The following KLC3 variants were observed in gnomAD, a reference collection of about 807,000 sequenced individuals.
The protein encoded by KLC3 is kinesin light chain 2.
In KLC3, 72 loss-of-function variants were observed where a neutral mutation model predicts 62.9. The ratio of observed to expected loss-of-function variants is 1.15; its 90% CI spans 0.95 to 1.39. The LOEUF is 1.39. Among genes scored for constraint, KLC3 ranks in the 40% most tolerant of loss-of-function variants. The probability of loss-of-function intolerance (pLI) is 0.00; values close to 1 mark genes in which losing one functional copy is unlikely to be tolerated. For synonymous variants in KLC3, 377 were observed against 300.5 expected, an observed-to-expected ratio of 1.25 and a Z score of -2.63; for missense variants, 848 against 691.6, an observed-to-expected ratio of 1.23 and a Z score of -2.54.
At chr19:45,347,093 A>G in intron 3 of KLC3, 1 of 419,476 alleles carries the variant, frequency 2.4e-6, no homozygotes, top group South Asian at 3.3e-5. Context: ...CTGTAATCCC[A>G]ACACTTTGGG....
At chr19:45,347,889 C>A in intron 4 of KLC3, 52 bp from the exon 5 acceptor site, 1 of 1,454,644 alleles carries the variant, frequency 6.9e-7, no homozygotes, top group Non-Finnish European at 9.4e-7. Context: ...TCATGCGAGG[C>A]TGGAGGGGCA....
Position 45,351,390 on chromosome 19 carries a change from G to T in KLC3, c.*33G>T, listed in dbSNP as rs752512145. On this transcript the variant is annotated 3_prime_UTR_variant, in exon 13 of 13. Transcript: ENST00000391946. ...TGAACTGCGCTGGCCGCAGCTTCTT[G>T]GGAACAGTGCAGGAGGGATGGGCTG... The T allele has an allele frequency of 6.2e-7, 1 of 1,606,562 alleles. No individual in the cohort carries two copies. The highest frequency in any genetic ancestry group is 1.7e-5 in the Admixed American group (1 of 59,990).
chr19:45,350,732 C>T lies in KLC3; in HGVS notation c.1364C>T (p.Ala455Val), dbSNP rs752348371. The T allele has an allele frequency of 1.4e-4, 218 of 1,612,064 alleles. No individual in the cohort carries two copies. Among genetic ancestry groups the T allele is most frequent in the Admixed American group, 2.7e-4 (16 of 59,678 alleles). Residue 455 changes from alanine to valine, a missense_variant, in exon 11 of 13, where the codon GCG (alanine) becomes GTG (valine). By Grantham distance (64) the Ala-to-Val change is moderately conservative (BLOSUM62 0). Coordinates refer to ENST00000391946, the MANE Select transcript of KLC3 (RefSeq NM_177417.3). ...KLVSRLRGEA[A>V]AGAAGMKRAM... ...GTCTCCCGGCTCCGAGGCGAGGCGGCGGCAGGAGCAGCCGGGTGAGTGTTG... is the reference window on the plus strand; with the variant it reads ...GTCTCCCGGCTCCGAGGCGAGGCGGTGGCAGGAGCAGCCGGGTGAGTGTTG...
In KLC3 at chr19:45,349,384, A is replaced by C. The variant is rs1297632447; in HGVS notation, c.970-45A>C. ...ATACAGCAGTGATGTCACGTGTCCC[A>C]CCAATCCTGTATGATCCCTCTGACT... On this transcript the variant is annotated intron_variant, in intron 7 of 12. Transcript: ENST00000391946. 4 of 1,556,236 alleles carry C rather than the reference A, an allele frequency of 2.6e-6. No individual in the cohort carries two copies. The South Asian group carries it at 3.6e-5, about 14-fold the overall frequency.
At position 45,350,427 on chromosome 19, in the gene KLC3, T is replaced by G. The variant is rs1971676961; in HGVS notation, c.1230T>G (p.Pro410=). The change falls in exon 9 of 13, where the codon CCT becomes CCG. Residue 410 remains proline, a synonymous_variant. Transcript: ENST00000391946. ...TCCACAAGGAGGACCTACCCGCCCC[T>G]CTCGGTGAGCCCCTAGCCCCTGTCT... The part of the protein sequence containing the change: ...EILHKEDLPA[P]LGAPNTGTAG... 1.2e-6 allele frequency: 2 copies of G among 1,612,724 alleles called. No individual in the cohort carries two copies. Among genetic ancestry groups the G allele is most frequent in the Non-Finnish European group, 1.7e-6 (2 of 1,179,310 alleles).
chr19:45,346,518 C>T (rs1242237084), intron 2 of KLC3, 26 bp from the exon 3 acceptor site: 12 of 1,503,364 alleles, frequency 8.0e-6, no homozygotes, highest in East Asian at 2.5e-5. Flanking sequence ...GAACCAACCT[C>T]GACTTGGGAC....
intron 6 of KLC3, 22 bp downstream of exon 6, chr19:45,348,755 C>A: frequency 6.4e-7 from 1 of 1,570,230 alleles, no homozygotes; most frequent in Non-Finnish European, 8.6e-7. Context: ...CCCAGGGAGA[C>A]GAAGTGGGGT....
rs554077633 is a variant in KLC3, at chr19:45,342,518, G to A, written c.-9+1672G>A. 1.1e-4 allele frequency among the ~76,000 whole-genome samples: 16 copies of A among 152,282 alleles called. No individual in the cohort carries two copies. In the South Asian group the frequency reaches 3.3e-3, roughly 32 times the overall value. On this transcript the variant is annotated intron_variant, in intron 1 of 12. Coordinates refer to ENST00000391946, the MANE Select transcript of KLC3 (RefSeq NM_177417.3). ...CTCACGCCTGTAATCCCAGCACTTT[G>A]GGAGGCCAAGGGGGGAGCGGGTGGA...
chr19:45,350,706 G>T lies in KLC3; in HGVS notation c.1338G>T (p.Leu446=), dbSNP rs774787128. ...RESIRRGSEK[L]VSRLRGEAAA... Reference sequence around the variant, plus strand: ...CTATCAGGCGAGGAAGTGAGAAGCTGGTCTCCCGGCTCCGAGGCGAGGCGG... The same window carrying T: ...CTATCAGGCGAGGAAGTGAGAAGCTTGTCTCCCGGCTCCGAGGCGAGGCGG... The change falls in exon 11 of 13, where the codon CTG becomes CTT. Residue 446 remains leucine (L), a synonymous_variant. Transcript: ENST00000391946. 6.2e-7 allele frequency: 1 copy of T among 1,613,638 alleles called. No homozygotes were observed. Among genetic ancestry groups the T allele is most frequent in the Non-Finnish European group, 8.5e-7 (1 of 1,179,904 alleles).
At chr19:45,346,803 G>A in intron 3 of KLC3, 29 bp downstream of exon 3, 1 of 1,492,200 alleles carries the variant, frequency 6.7e-7, no homozygotes, top group Non-Finnish European at 9.0e-7. Flanking sequence ...GGCGGGGGGT[G>A]CTGGGCCCTT....
chr19:45,343,626 C>T (rs555242396), intron 1 of KLC3, among the ~76,000 whole-genome samples: 130 of 152,260 alleles, frequency 8.5e-4, no homozygotes, highest in Non-Finnish European at 1.3e-3. Flanking sequence ...TGAGCCACCG[C>T]GCCCAGGCTT....
intron 12 of KLC3, 95 bp from the exon 13 acceptor site, chr19:45,351,191 G>A: frequency 6.3e-7 from 1 of 1,585,356 alleles, no homozygotes; most frequent in Admixed American, 1.7e-5. Context: ...CGAGGGGGTT[G>A]GATAGTTGGC....
At position 45,349,503 on chromosome 19, in the gene KLC3, G is replaced by C; in HGVS notation, c.1044G>C (p.Lys348Asn). ...NLALLCQNQG[K>N]FEDVERHYAR... Reference sequence around the variant, plus strand: ...CCCTGCTGTGCCAGAACCAGGGCAAGTTTGAGGACGTGGAGCGGCACTATG... The same window carrying C: ...CCCTGCTGTGCCAGAACCAGGGCAACTTTGAGGACGTGGAGCGGCACTATG... Residue 348 changes from lysine (K) to asparagine (N), a missense_variant, in exon 8 of 13, where the codon AAG becomes AAC. Physicochemically the swap from Lys to Asn is moderately conservative, Grantham distance 94. Transcript: ENST00000391946. The C allele has an allele frequency of 6.2e-7, 1 of 1,614,076 alleles. No individual in the cohort carries two copies. Among genetic ancestry groups the C allele is most frequent in the Non-Finnish European group, 8.5e-7 (1 of 1,179,984 alleles).
rs1363176763 is a variant in KLC3, at chr19:45,340,761, G to C, written c.-94G>C. 1 of 152,082 alleles carries C rather than the reference G, an allele frequency of 6.6e-6. No individual in the cohort carries two copies. Among genetic ancestry groups the C allele is most frequent in the South Asian group, 2.1e-4 (1 of 4,836 alleles). The allele number at this position is 152,082 out of a possible 1,614,324, so 9.4% of individuals were successfully genotyped here. On this transcript the variant is annotated 5_prime_UTR_variant, in exon 1 of 13. Transcript: ENST00000391946. ...CCGCCCGAGGTCCCAGACGCCCGGC[G>C]CAGCGGGAGCGGCGGGGCGTGCCTG...
chr19:45,341,048 CGGGGCG>C (rs1306630010), intron 1 of KLC3, among the ~76,000 whole-genome samples: 4 of 151,958 alleles, frequency 2.6e-5, no homozygotes, highest in African/African-American at 7.3e-5. Context: ...ACAGCGAGGA[CGGGGCG>C]GGGCCTGGGA....
intron 3 of KLC3, 101 bp from the exon 4 acceptor site, chr19:45,347,340 CAAAAAA>C: frequency 3.6e-6 from 2 of 556,718 alleles, no homozygotes; most frequent in South Asian, 2.1e-5. Flanking sequence ...AACTCCGTCT[CAAAAAA>C]AAAAAAAAAA....
chr19:45,351,493 G>T lies in KLC3; in HGVS notation c.*136G>T, dbSNP rs149943175. The T allele has an allele frequency of 3.1e-6, 5 of 1,591,812 alleles. No homozygotes were observed. Among genetic ancestry groups the T allele is most frequent in the Non-Finnish European group, 4.3e-6 (5 of 1,173,626 alleles). On this transcript the variant is annotated 3_prime_UTR_variant, in exon 13 of 13. Coordinates refer to ENST00000391946, the MANE Select transcript of KLC3 (RefSeq NM_177417.3). Reference sequence around the variant, plus strand: ...CTGGTGGATAGCTGCCTTCTCCTGCGATTAAAGGCTGTGGACGTGACAGTG... The same window carrying T: ...CTGGTGGATAGCTGCCTTCTCCTGCTATTAAAGGCTGTGGACGTGACAGTG...
intron 8 of KLC3, 33 bp downstream of exon 8, chr19:45,349,635 G>GT (rs1445324474): frequency 6.4e-7 from 1 of 1,570,746 alleles, no homozygotes; most frequent in South Asian, 1.1e-5. Context: ...TGGGCCAAGA[G>GT]TGGAGGGTCC....
In KLC3 at chr19:45,351,477, A is replaced by G. The variant is rs140285667; in HGVS notation, c.*120A>G. On this transcript the variant is annotated 3_prime_UTR_variant, in exon 13 of 13. Transcript: ENST00000391946. ...CCTTGCCTCTGGGTACCTGGTGGAT[A>G]GCTGCCTTCTCCTGCGATTAAAGGC... The G allele has an allele frequency of 1.8e-3, 2,861 of 1,586,284 alleles. 7 individuals are homozygous for G. Among genetic ancestry groups the G allele is most frequent in the Middle Eastern group, 2.7e-3 (16 of 5,934 alleles).
Sources: allele counts gnomAD v4.1 joint callset (sites outside exome capture counted in the v4.1 genomes callset), GRCh38; gene constraint gnomAD v4.1.1; transcripts MANE v1.5; gene names NCBI Gene and HGNC (gene_info 2026-07-23, HGNC 2026-07-21).